The following GREB1L variants were observed in gnomAD, a reference collection of about 807,000 sequenced individuals.
The protein encoded by GREB1L is GREB1 like retinoic acid receptor coactivator.
GREB1L carries 17 observed loss-of-function variants against 200.8 expected under a neutral mutation model. The ratio of observed to expected loss-of-function variants is 0.08; its 90% CI spans 0.06 to 0.13. GREB1L has a LOEUF of 0.13. GREB1L is among the 10% of genes least tolerant of loss of function. GREB1L has a pLI of 1.00. For synonymous variants in GREB1L, 789 were observed against 893.0 expected (o/e 0.88, Z 2.08); for missense variants, 1,657 against 2,367.7 (o/e 0.70, Z 6.23).
intron 1 of GREB1L, among the ~76,000 whole-genome samples, chr18:21,348,221 A>G (rs973068433): frequency 1.4e-4 from 21 of 151,910 alleles, no homozygotes; most frequent in Admixed American, 2.6e-4. Flanking sequence ...CTGGGATTAC[A>G]GGCGTGAGCC....
chr18:21,287,445 A>G (rs768821685), intron 1 of GREB1L, among the ~76,000 whole-genome samples: 1 of 152,196 alleles, frequency 6.6e-6, no homozygotes, highest in African/African-American at 2.4e-5. Flanking sequence ...TCAAGCATTC[A>G]TAGCCCTGTC....
intron 7 of GREB1L, among the ~76,000 whole-genome samples, chr18:21,419,512 G>T (rs546530832): frequency 6.6e-6 from 1 of 152,302 alleles, no homozygotes; most frequent in East Asian, 1.9e-4. Context: ...GAGTGCTATG[G>T]TGTGATCTTG....
chr18:21,480,319 C>G (rs533688497), intron 17 of GREB1L, among the ~76,000 whole-genome samples: 1 of 152,190 alleles, frequency 6.6e-6, no homozygotes, highest in African/African-American at 2.4e-5. Flanking sequence ...CCACTGCACT[C>G]CAGCCTAGGT....
intron 15 of GREB1L, among the ~76,000 whole-genome samples, chr18:21,463,445 G>A (rs2035140527): frequency 6.6e-6 from 1 of 152,088 alleles, no homozygotes; most frequent in Non-Finnish European, 1.5e-5. Context: ...GCACCCGGCA[G>A]TAGTTGAATG....
chr18:21,468,060 A>C (rs999134526), intron 15 of GREB1L, among the ~76,000 whole-genome samples: 6 of 152,088 alleles, frequency 3.9e-5, no homozygotes, highest in African/African-American at 1.4e-4. Context: ...ATGAGAGAGA[A>C]GTGAAAATAT....
intron 18 of GREB1L, among the ~76,000 whole-genome samples, chr18:21,487,409 G>A (rs1387046259): frequency 3.9e-5 from 6 of 152,052 alleles, no homozygotes; most frequent in South Asian, 2.1e-4. Context: ...GCTTTTCTAC[G>A]TGGCCCAGCA....
chr18:21,518,183 C>T lies in GREB1L; in HGVS notation c.5421C>T (p.Asn1807=). 4 of 1,551,696 alleles carry T rather than the reference C, an allele frequency of 2.6e-6. No individual in the cohort carries two copies. Among genetic ancestry groups the T allele is most frequent in the Non-Finnish European group, 3.5e-6 (4 of 1,146,986 alleles). ...AACTCTTCCCCAAAGCCATCCATAA[C>T]TTCAGGAGTCCTGTGCTGGCCATTG... is the stretch of plus-strand genomic sequence containing the variant. ...SYKLFPKAIH[N]FRSPVLAIDC... is the part of the protein sequence containing the mutation. Residue 1807 remains asparagine (N), a synonymous_variant, in exon 31 of 33, where the codon AAC becomes AAT. Coordinates refer to ENST00000424526, the MANE Select transcript of GREB1L (RefSeq NM_001142966.3).
At chr18:21,517,979 C>A (rs1313372630) in intron 30 of GREB1L, 55 bp from the exon 31 acceptor site, 8 of 1,354,426 alleles carry the variant, frequency 5.9e-6, no homozygotes, top group Non-Finnish European at 8.2e-6. Context: ...GTTTCCTCAC[C>A]TGTTTAATCC....
In GREB1L at chr18:21,388,858, G is replaced by A. The variant is rs527969555; in HGVS notation, c.355+4455G>A. On this transcript the variant is annotated intron_variant, in intron 4 of 32. Coordinates refer to ENST00000424526, the MANE Select transcript of GREB1L (RefSeq NM_001142966.3). ...ACCCCCCTATTGGAATTCATTTGAT[G>A]TTTTTCTCCTTATTAGATTGAGGTT... Among the ~76,000 whole-genome samples, 8 of 152,168 alleles carry A rather than the reference G, an allele frequency of 5.3e-5. No individual in the cohort carries two copies. In the South Asian group the frequency reaches 6.2e-4, roughly 12 times the overall value.
At position 21,268,500 on chromosome 18, in the gene GREB1L, CAT is replaced by C. The variant is rs1397933357; in HGVS notation, c.-120+26116_-120+26117del. Among the ~76,000 whole-genome samples, 601 of 89,326 alleles carry C rather than the reference CAT, an allele frequency of 6.7e-3. 2 individuals are homozygous for C. Among genetic ancestry groups the C allele is most frequent in the Middle Eastern group, 0.019 (3 of 158 alleles). The allele number at this position is 89,326 out of a possible 152,430, so 58.6% of individuals were successfully genotyped here. A position where few individuals can be genotyped will look rare whatever the true frequency, so the allele number is the denominator to read the frequency against. ...ATATGTGTGTGTGTGTATATATATA[CAT>C]ATATATATGTATATATATATACACA... On this transcript the variant is annotated intron_variant, in intron 1 of 32. Coordinates refer to ENST00000424526, the MANE Select transcript of GREB1L (RefSeq NM_001142966.3).
intron 1 of GREB1L, among the ~76,000 whole-genome samples, chr18:21,326,237 A>G (rs1182964407): frequency 1.8e-4 from 27 of 152,154 alleles, no homozygotes; most frequent in Admixed American, 1.6e-3. Context: ...GAGAAATTAC[A>G]CACACACATG....
intron 1 of GREB1L, among the ~76,000 whole-genome samples, chr18:21,267,997 G>A (rs1482238684): frequency 6.6e-6 from 1 of 152,120 alleles, no homozygotes; most frequent in East Asian, 1.9e-4. Context: ...AGGGGAATAT[G>A]TTGTAAGAGG....
chr18:21,459,439 C>T (rs896230294), intron 15 of GREB1L, among the ~76,000 whole-genome samples: 7 of 151,872 alleles, frequency 4.6e-5, no homozygotes, highest in Non-Finnish European at 1.5e-5. Context: ...GCGCCCACCA[C>T]CATGCCCAGC....
At chr18:21,430,679 C>T (rs993144230) in intron 7 of GREB1L, among the ~76,000 whole-genome samples, 1 of 148,850 alleles carries the variant, frequency 6.7e-6, no homozygotes, top group Admixed American at 6.8e-5. Context: ...TCACAGCAAC[C>T]TCCGCCTCCC....
At chr18:21,398,328 C>T (rs565173885) in intron 5 of GREB1L, among the ~76,000 whole-genome samples, 1 of 152,172 alleles carries the variant, frequency 6.6e-6, no homozygotes, top group Non-Finnish European at 1.5e-5. Flanking sequence ...CTTGCCGGGT[C>T]ATAAAGATCA....
chr18:21,338,373 C>G (rs1360676768), intron 1 of GREB1L, among the ~76,000 whole-genome samples: 1 of 152,378 alleles, frequency 6.6e-6, no homozygotes, highest in Non-Finnish European at 1.5e-5. Context: ...CCACACCAGT[C>G]ACATCAGGGA....
chr18:21,481,475 G>GTA (rs1568045921), intron 17 of GREB1L, among the ~76,000 whole-genome samples: 2 of 141,286 alleles, frequency 1.4e-5, no homozygotes, highest in African/African-American at 5.5e-5. Context: ...GTGTGTGTGT[G>GTA]TGTATATATA....
intron 1 of GREB1L, among the ~76,000 whole-genome samples, chr18:21,343,586 T>G (rs2039298930): frequency 6.6e-6 from 1 of 152,096 alleles, no homozygotes. Flanking sequence ...GACCCAGAAG[T>G]GCTTAGTAGT....
At chr18:21,311,993 G>C (rs565739307) in intron 1 of GREB1L, among the ~76,000 whole-genome samples, 1 of 151,864 alleles carries the variant, frequency 6.6e-6, no homozygotes, top group Non-Finnish European at 1.5e-5. Context: ...CCTTCCACCC[G>C]CAAGTAGGCC....
Sources: allele counts gnomAD v4.1 joint callset (sites outside exome capture counted in the v4.1 genomes callset), GRCh38; gene constraint gnomAD v4.1.1; transcripts MANE v1.5; gene names NCBI Gene and HGNC (gene_info 2026-07-23, HGNC 2026-07-21).